The following MAGI2 variants were observed in gnomAD, a reference collection of about 807,000 sequenced individuals.
The protein encoded by MAGI2 is membrane-associated guanylate kinase, WW and PDZ domain-containing protein 2.
A neutral mutation model predicts 133.3 loss-of-function variants in MAGI2; 35 were observed. That is an observed-to-expected ratio of 0.26 (90% confidence interval 0.20 to 0.35). The LOEUF is 0.35. MAGI2 is among the 10% of genes least tolerant of loss of function. The probability of loss-of-function intolerance (pLI) is 1.00; values close to 1 mark genes in which losing one functional copy is unlikely to be tolerated. For synonymous variants in MAGI2, 729 were observed against 710.6 expected (o/e 1.03, Z -0.41); for missense variants, 1,636 against 1,863.4 (o/e 0.88, Z 2.25).
rs77056067 is a variant in MAGI2, at chr7:78,549,547, G to A, written c.539-27902C>T. 2.8e-4 allele frequency among the ~76,000 whole-genome samples: 43 copies of A among 152,130 alleles called. No homozygotes were observed. The East Asian group carries it at 8.1e-3, about 29-fold the overall frequency. On this transcript the variant is annotated intron_variant, in intron 3 of 21. Transcript: ENST00000354212. ...AATCCTAAATCTTCCTACTGAGATG[G>A]CTCATAGTGCTCCATGGAGTGCTCT...
intron 1 of MAGI2, among the ~76,000 whole-genome samples, chr7:79,255,920 A>G (rs567318037): frequency 1.3e-5 from 2 of 152,344 alleles, no homozygotes; most frequent in Admixed American, 1.3e-4. Flanking sequence ...TGGTCACATG[A>G]TATTAATGAA....
At chr7:78,863,850 C>T (rs1266104557) in intron 2 of MAGI2, among the ~76,000 whole-genome samples, 1 of 152,172 alleles carries the variant, frequency 6.6e-6, no homozygotes, top group East Asian at 1.9e-4. Context: ...AAAATGTGCC[C>T]TTTATACTCC....
At chr7:78,692,333 GC>G (rs1488332844) in intron 2 of MAGI2, among the ~76,000 whole-genome samples, 2 of 152,176 alleles carry the variant, frequency 1.3e-5, no homozygotes, top group Non-Finnish European at 2.9e-5. Flanking sequence ...CAGTTTTTGA[GC>G]CCTGTGTCCA....
chr7:78,137,263 G>T (rs1227596366), intron 16 of MAGI2, among the ~76,000 whole-genome samples: 1 of 152,104 alleles, frequency 6.6e-6, no homozygotes, highest in Non-Finnish European at 1.5e-5. Context: ...ATTGTTATCT[G>T]TCCCGTGACC....
chr7:79,305,164 C>T (rs1265112856), intron 1 of MAGI2, among the ~76,000 whole-genome samples: 1 of 152,084 alleles, frequency 6.6e-6, no homozygotes, highest in Non-Finnish European at 1.5e-5. Context: ...GCTGTCAGTT[C>T]TTAAAGAATT....
intron 2 of MAGI2, among the ~76,000 whole-genome samples, chr7:78,856,845 T>C (rs964166541): frequency 6.6e-6 from 1 of 152,224 alleles, no homozygotes; most frequent in African/African-American, 2.4e-5. Context: ...CCACGGGCAG[T>C]GTGGCCATTT....
At chr7:78,416,551 A>G (rs1304848583) in intron 6 of MAGI2, among the ~76,000 whole-genome samples, 3 of 152,076 alleles carry the variant, frequency 2.0e-5, no homozygotes, top group Non-Finnish European at 4.4e-5. Context: ...CATGATGTTA[A>G]GTTCTAAAAC....
At chr7:78,672,460 A>G (rs1814510807) in intron 2 of MAGI2, among the ~76,000 whole-genome samples, 1 of 152,198 alleles carries the variant, frequency 6.6e-6, no homozygotes, top group African/African-American at 2.4e-5. Context: ...TATTCTTTAT[A>G]GCAATACAAA....
chr7:78,840,358 G>A (rs1038998322), intron 2 of MAGI2, among the ~76,000 whole-genome samples: 2 of 151,986 alleles, frequency 1.3e-5, no homozygotes, highest in Non-Finnish European at 2.9e-5. Context: ...ATGTAGAGTT[G>A]CTTATGTTTT....
At chr7:79,452,390 G>C (rs1211229423) in intron 1 of MAGI2, among the ~76,000 whole-genome samples, 2 of 152,136 alleles carry the variant, frequency 1.3e-5, no homozygotes, top group African/African-American at 4.8e-5. Context: ...GACCGTGAGC[G>C]GGGGAGGGGG....
rs939616463 is a variant in MAGI2 at position 78,957,733 on chromosome 7, G to A, written c.418+49357C>T. The stretch of plus-strand genomic sequence containing the variant: ...TAACTTACTCAAGATCACACAGCCA[G>A]TCAATGGTATGGTCAGAATTCAAAC... On this transcript the variant is annotated intron_variant, in intron 2 of 21. Coordinates refer to ENST00000354212, the MANE Select transcript of MAGI2 (RefSeq NM_012301.4). Among the ~76,000 whole-genome samples, 6 of 152,246 alleles carry A rather than the reference G, an allele frequency of 3.9e-5. No homozygotes were observed. In the East Asian group the frequency reaches 5.8e-4, roughly 15 times the overall value.
intron 1 of MAGI2, among the ~76,000 whole-genome samples, chr7:79,427,541 C>G (rs1298210107): frequency 6.6e-6 from 1 of 151,942 alleles, no homozygotes; most frequent in Admixed American, 6.6e-5. Flanking sequence ...GCATTAGAGT[C>G]CAGCAGAATT....
chr7:78,271,325 G>A (rs1435396344), intron 9 of MAGI2, among the ~76,000 whole-genome samples: 2 of 152,160 alleles, frequency 1.3e-5, no homozygotes, highest in Non-Finnish European at 2.9e-5. Flanking sequence ...TGGAGGATAA[G>A]CTTTTTGACG....
intron 6 of MAGI2, among the ~76,000 whole-genome samples, chr7:78,472,553 T>C (rs777887717): frequency 1.3e-5 from 2 of 152,138 alleles, no homozygotes; most frequent in African/African-American, 4.8e-5. Context: ...ATTTAATAAG[T>C]TGAAGACACT....
intron 10 of MAGI2, among the ~76,000 whole-genome samples, chr7:78,240,302 A>T (rs1011131630): frequency 1.3e-5 from 2 of 152,078 alleles, no homozygotes; most frequent in Admixed American, 6.6e-5. Context: ...GTCCCTGCAA[A>T]GGACATGAAC....
rs1353049914 is a variant in MAGI2, at chr7:79,336,150, G to C, written c.301+116870C>G. ...AACTATTGAGCATTTACAATATATT[G>C]GTTTACATAGGTCATCTTATTTAAT... On this transcript the variant is annotated intron_variant, in intron 1 of 21. Transcript: ENST00000354212. Among the ~76,000 whole-genome samples, 4 of 152,000 alleles carry C rather than the reference G, an allele frequency of 2.6e-5. No homozygotes were observed. The East Asian group carries it at 7.7e-4, about 29-fold the overall frequency.
chr7:78,775,694 C>T (rs1825936222), intron 2 of MAGI2, among the ~76,000 whole-genome samples: 1 of 152,062 alleles, frequency 6.6e-6, no homozygotes, highest in Non-Finnish European at 1.5e-5. Context: ...ATATAAGGTT[C>T]TTATATTAGT....
At chr7:78,570,903 G>C (rs1276579081) in intron 3 of MAGI2, among the ~76,000 whole-genome samples, 1 of 152,078 alleles carries the variant, frequency 6.6e-6, no homozygotes, top group Non-Finnish European at 1.5e-5. Flanking sequence ...TCTTGACATT[G>C]CAAGTCTAGC....
At chr7:78,773,818 G>T (rs1825777453) in intron 2 of MAGI2, among the ~76,000 whole-genome samples, 2 of 152,164 alleles carry the variant, frequency 1.3e-5, no homozygotes, top group Admixed American at 1.3e-4. Flanking sequence ...AGGAATTTGT[G>T]CTTCATCTGA....
Sources: allele counts gnomAD v4.1 joint callset (sites outside exome capture counted in the v4.1 genomes callset), GRCh38; gene constraint gnomAD v4.1.1; transcripts MANE v1.5; gene names NCBI Gene and HGNC (gene_info 2026-07-23, HGNC 2026-07-21).